KLHDC4: variants seen among roughly 807,000 people sequenced by gnomAD.
KLHDC4 encodes the protein kelch domain-containing protein 4.
Under a neutral mutation model 62.4 loss-of-function variants are expected in KLHDC4, and 90 were observed. The observed-to-expected ratio is 1.44, with a 90% CI of 1.22 to 1.72. The LOEUF (loss-of-function observed/expected upper bound fraction) is 1.72. KLHDC4 is among the 40% of genes most tolerant of loss of function. The pLI, the probability that KLHDC4 is intolerant of heterozygous loss-of-function variation, is 0.00. For synonymous variants in KLHDC4, 386 were observed against 284.4 expected, an observed-to-expected ratio of 1.36 and a Z score of -3.59; for missense variants, 1,025 against 699.7, an observed-to-expected ratio of 1.47 and a Z score of -5.25.
chr16:87,750,586 C>T lies in KLHDC4; in HGVS notation c.370-1777G>A, dbSNP rs148176351. On this transcript the variant is annotated intron_variant, in intron 4 of 11. Transcript: ENST00000270583. Reference sequence around the variant, plus strand: ...GGACGAAGAATGGTTCCACACAGGGCGCAGAGAGGGCTGGTAAATGAGAGT... The same window carrying T: ...GGACGAAGAATGGTTCCACACAGGGTGCAGAGAGGGCTGGTAAATGAGAGT... Among the ~76,000 whole-genome samples, 643 of 152,276 alleles carry T rather than the reference C, an allele frequency of 4.2e-3. 3 individuals are homozygous for T. The highest frequency in any genetic ancestry group is 0.014 in the African/African-American group (596 of 41,544).
At chr16:87,725,491 G>A (rs967705262) in intron 7 of KLHDC4, among the ~76,000 whole-genome samples, 10 of 152,294 alleles carry the variant, frequency 6.6e-5, no homozygotes, top group Admixed American at 5.9e-4. Flanking sequence ...TTAATAGCAG[G>A]ATCTAGGAGG....
chr16:87,709,756 C>T (rs1406864966), intron 9 of KLHDC4, 89 bp from the exon 10 acceptor site: 15 of 1,399,596 alleles, frequency 1.1e-5, no homozygotes, highest in African/African-American at 4.3e-5. Flanking sequence ...CAAGGGTTTG[C>T]GGGGACCACC....
Position 87,762,296 on chromosome 16 carries a change from A to G in KLHDC4, c.100-256T>C, listed in dbSNP as rs575674372. ...TCCACACCCTTAACGCTCCCTCTGC[A>G]AGACCTTCCACTTAGACAAGCCCGT... On this transcript the variant is annotated intron_variant, in intron 1 of 11. Coordinates refer to ENST00000270583, the MANE Select transcript of KLHDC4 (RefSeq NM_017566.4). 5.3e-5 allele frequency: 29 copies of G among 544,038 alleles called. No individual in the cohort carries two copies. The South Asian group carries it at 8.9e-4, about 17-fold the overall frequency. 33.7% of individuals were successfully genotyped at this position (544,038 alleles called of 1,614,324 possible).
chr16:87,704,419 C>G (rs112851422), downstream of KLHDC4, among the ~76,000 whole-genome samples: 1 of 75,324 alleles, frequency 1.3e-5, no homozygotes, highest in African/African-American at 8.6e-5. Context: ...GGGGAGGGTC[C>G]TGAACGTCAC....
At position 87,701,935 on chromosome 16, in the gene KLHDC4, G is replaced by A. The variant is rs557260975; in HGVS notation, c.580C>T (p.Leu194=). The A allele has an allele frequency of 4.2e-5, 19 of 456,344 alleles. No individual in the cohort carries two copies. The East Asian group carries it at 6.3e-4, about 15-fold the overall frequency. 28.3% of individuals were successfully genotyped at this position (456,344 alleles called of 1,614,324 possible). A position where few individuals can be genotyped will look rare whatever the true frequency, so the allele number is the denominator to read the frequency against. Reference sequence around the variant, plus strand: ...CGTGCTCCCTCGGGCCCTCCCAGCAGTGGTAGATGGGGCTCTGCTCTGTCC... The same window carrying A: ...CGTGCTCCCTCGGGCCCTCCCAGCAATGGTAGATGGGGCTCTGCTCTGTCC... Residue 194 remains leucine (L), a synonymous_variant, in exon 1 of 1, where the codon CTG becomes TTG. Transcript: ENST00000446344.
intron 5 of KLHDC4, among the ~76,000 whole-genome samples, chr16:87,742,006 G>C (rs1034938930): frequency 6.6e-6 from 1 of 152,160 alleles, no homozygotes; most frequent in African/African-American, 2.4e-5. Flanking sequence ...TGCTCTGCAC[G>C]AGGCCTGACA....
exon 1 of KLHDC4, chr16:87,698,495 C>G (rs2033996367): frequency 6.6e-6 from 1 of 152,364 alleles, no homozygotes; most frequent in South Asian, 2.1e-4. Context: ...CACCATGAGA[C>G]ATGCACAGAG....
At chr16:87,704,786 G>A (rs1039990376), downstream of KLHDC4, among the ~76,000 whole-genome samples, 6 of 152,184 alleles carry the variant, frequency 3.9e-5, no homozygotes, top group South Asian at 6.2e-4. Context: ...CAACTGCCTG[G>A]CAAGAATTTC....
At chr16:87,710,987 C>G (rs2035690969) in intron 9 of KLHDC4, 1 of 512,892 alleles carries the variant, frequency 1.9e-6, no homozygotes, top group Admixed American at 3.2e-5. Context: ...CCGGGCACCT[C>G]AGCCCAGGGC....
At position 87,748,675 on chromosome 16, in the gene KLHDC4, G is replaced by C; in HGVS notation, c.504C>G (p.Val168=). 1 of 1,613,610 alleles carries C rather than the reference G, an allele frequency of 6.2e-7. No individual in the cohort carries two copies. The highest frequency in any genetic ancestry group is 8.5e-7 in the Non-Finnish European group (1 of 1,179,900). ...CAGCTTCTCATCTGGCTTCTTACTT[G>C]ACTTGTTCCCAGGTCTTGGTGGCCA... ...LHLATKTWEQ[V]KSTGGPSGRS... Residue 168 remains valine (V), a splice_region_variant and synonymous_variant, in exon 5 of 12, where the codon GTC becomes GTG. Coordinates refer to ENST00000270583, the MANE Select transcript of KLHDC4 (RefSeq NM_017566.4).
chr16:87,719,228 A>T (rs1342731974), intron 7 of KLHDC4, among the ~76,000 whole-genome samples: 1 of 152,252 alleles, frequency 6.6e-6, no homozygotes, highest in Non-Finnish European at 1.5e-5. Flanking sequence ...CAAATAGAAA[A>T]GGGGGAAATG....
At chr16:87,762,144 G>C in intron 1 of KLHDC4, 104 bp from the exon 2 acceptor site, 1 of 1,542,168 alleles carries the variant, frequency 6.5e-7, no homozygotes, top group Non-Finnish European at 8.7e-7. Flanking sequence ...ACTGGGCTCA[G>C]TCACATCTGT....
At chr16:87,745,015 C>T (rs1160085764) in intron 5 of KLHDC4, among the ~76,000 whole-genome samples, 1 of 152,206 alleles carries the variant, frequency 6.6e-6, no homozygotes, top group Non-Finnish European at 1.5e-5. Flanking sequence ...CACATGCAGG[C>T]TTTTTTCCAA....
chr16:87,714,851 G>C (rs995709281), intron 7 of KLHDC4, among the ~76,000 whole-genome samples: 1 of 152,206 alleles, frequency 6.6e-6, no homozygotes, highest in African/African-American at 2.4e-5. Flanking sequence ...TTCCACAGCA[G>C]CCCTGGTCTG....
intron 1 of KLHDC4, among the ~76,000 whole-genome samples, chr16:87,765,507 G>C (rs1439055104): frequency 6.6e-6 from 1 of 152,102 alleles, no homozygotes; most frequent in South Asian, 2.1e-4. Context: ...GAAGGGAGGA[G>C]GGGGAGGAAA....
intron 5 of KLHDC4, among the ~76,000 whole-genome samples, chr16:87,746,858 T>C (rs913864107): frequency 6.6e-6 from 1 of 152,248 alleles, no homozygotes; most frequent in Non-Finnish European, 1.5e-5. Flanking sequence ...TCTCCTGTTT[T>C]AATTACCATT....
intron 5 of KLHDC4, among the ~76,000 whole-genome samples, chr16:87,743,350 T>C (rs1037139294): frequency 2.0e-5 from 3 of 152,160 alleles, no homozygotes; most frequent in African/African-American, 7.2e-5. Context: ...CCACCTCCGT[T>C]TCCTAAAGTG....
chr16:87,717,153 C>T (rs759584492), intron 7 of KLHDC4, among the ~76,000 whole-genome samples: 16 of 151,926 alleles, frequency 1.1e-4, no homozygotes, highest in Non-Finnish European at 2.1e-4. Flanking sequence ...ACTACTTGAG[C>T]CTGAAAGGCA....
intron 8 of KLHDC4, among the ~76,000 whole-genome samples, chr16:87,711,838 C>A (rs970051036): frequency 7.0e-6 from 1 of 143,334 alleles, no homozygotes; most frequent in African/African-American, 2.5e-5. Flanking sequence ...GGCTGAGTGG[C>A]CTGCACCAGC....
Sources: gnomAD v4.1 joint callset for allele counts (sites outside exome capture counted in the v4.1 genomes callset) on GRCh38, gnomAD v4.1.1 for gene constraint, MANE v1.5 for transcripts, NCBI Gene and HGNC (gene_info 2026-07-23, HGNC 2026-07-21) for gene names.